Variants in IK observed in about 807,000 individuals in gnomAD.
The protein encoded by IK is IK cytokine.
Under a neutral mutation model 90.9 loss-of-function variants are expected in IK, and 47 were observed. The ratio of observed to expected loss-of-function variants is 0.52; its 90% CI spans 0.41 to 0.66. IK has a LOEUF of 0.66. Among genes scored for constraint, IK ranks in the 30% least tolerant of loss-of-function variants. The pLI, the probability that IK is intolerant of heterozygous loss-of-function variation, is 0.00. For synonymous variants in IK, 201 were observed against 227.5 expected (o/e 0.88, Z 1.05); for missense variants, 385 against 709.3 (o/e 0.54, Z 5.19).
chr5:140,648,906 C>T (rs1353576201), intron 2 of IK: 1 of 248,168 alleles, frequency 4.0e-6, no homozygotes, highest in South Asian at 3.9e-5. Context: ...GGTGCGATCT[C>T]GGCTCACCAC....
At chr5:140,652,694 A>G (rs1293059123) in intron 4 of IK, among the ~76,000 whole-genome samples, 2 of 152,222 alleles carry the variant, frequency 1.3e-5, no homozygotes, top group African/African-American at 4.8e-5. Flanking sequence ...GAAAAGTCTT[A>G]TATCTATAGA....
At chr5:140,657,987 CATTTT>C (rs1177544096) in intron 10 of IK, among the ~76,000 whole-genome samples, 2 of 152,174 alleles carry the variant, frequency 1.3e-5, no homozygotes, top group East Asian at 1.9e-4. Flanking sequence ...ACTTGACCGA[CATTTT>C]ATTTTATTTT....
intron 15 of IK, 97 bp downstream of exon 15, chr5:140,660,292 C>CCTTTTTTTTTTTTTTTTTTTTTTTT (rs1757781333): frequency 4.1e-6 from 1 of 245,104 alleles, no homozygotes; most frequent in Non-Finnish European, 7.1e-6. Context: ...AGGGCTACTT[C>CCTTTTTTTTTTTTTTTTTTTTTTTT]TTTTTTTTTT....
At chr5:140,654,625 G>A (rs764224644) in intron 7 of IK, 39 bp downstream of exon 7, 16 of 1,583,556 alleles carry the variant, frequency 1.0e-5, no homozygotes, top group East Asian at 2.3e-5. Flanking sequence ...ATTTAGAAAG[G>A]TGGGACCTAA....
chr5:140,651,604 GT>G, intron 2 of IK, 109 bp from the exon 3 acceptor site: 1 of 622,674 alleles, frequency 1.6e-6, no homozygotes, highest in South Asian at 2.0e-5. Flanking sequence ...TCATATCTTT[GT>G]TTTAATTTGT....
intron 10 of IK, among the ~76,000 whole-genome samples, chr5:140,658,369 G>T (rs1246441387): frequency 6.6e-6 from 1 of 151,942 alleles, no homozygotes; most frequent in Non-Finnish European, 1.5e-5. Flanking sequence ...CCAGGCTGGA[G>T]TGCAGTGATG....
chr5:140,652,119 C>T lies in IK; in HGVS notation c.208C>T (p.Pro70Ser). 6.2e-7 allele frequency: 1 copy of T among 1,613,402 alleles called. No individual in the cohort carries two copies. ...MPREYNEDED[P>S]AARRRKKKSY... Reference sequence around the variant, plus strand: ...AAGGGAGTACAATGAGGATGAAGACCCAGCTGCACGAAGGAGGAAAAAGAA... The same window carrying T: ...AAGGGAGTACAATGAGGATGAAGACTCAGCTGCACGAAGGAGGAAAAAGAA... The change falls in exon 4 of 20, where the codon CCA becomes TCA. Residue 70 changes from proline (P) to serine (S), a missense_variant. Coordinates refer to ENST00000417647, the MANE Select transcript of IK (RefSeq NM_006083.4).
intron 5 of IK, among the ~76,000 whole-genome samples, chr5:140,653,534 C>T (rs547206374): frequency 0.013 from 2,041 of 151,736 alleles, 29 homozygotes; most frequent in Non-Finnish European, 0.021. Context: ...CCACCCGCCT[C>T]GGCCTGCTGA....
chr5:140,652,447 G>T (rs74892364), intron 4 of IK, among the ~76,000 whole-genome samples: 104 of 152,300 alleles, frequency 6.8e-4, no homozygotes, highest in African/African-American at 2.5e-3. Context: ...ATGAGGATCA[G>T]CTGTGAAAGT....
At chr5:140,654,869 C>T in intron 8 of IK, 142 bp downstream of exon 8, 1 of 675,774 alleles carries the variant, frequency 1.5e-6, no homozygotes, top group Non-Finnish European at 2.6e-6. Context: ...ACTTAATCGC[C>T]CAGGCTGGAG....
intron 2 of IK, chr5:140,648,896 G>A: frequency 1.5e-5 from 4 of 267,100 alleles, no homozygotes; most frequent in Non-Finnish European, 3.0e-5. Flanking sequence ...GGAATGCAGT[G>A]GTGCGATCTC....
chr5:140,660,050 C>T (rs375125383), intron 14 of IK, 65 bp from the exon 15 acceptor site: 4 of 1,449,196 alleles, frequency 2.8e-6, no homozygotes, highest in Non-Finnish European at 3.8e-6. Flanking sequence ...CCTTGGCCCC[C>T]TCCTGGCTGA....
At chr5:140,660,051 T>G in intron 14 of IK, 64 bp from the exon 15 acceptor site, 3 of 1,455,556 alleles carry the variant, frequency 2.1e-6, no homozygotes, top group Middle Eastern at 3.5e-4. Context: ...CTTGGCCCCC[T>G]CCTGGCTGAA....
chr5:140,653,203 A>G (rs867686290), intron 5 of IK, 59 bp downstream of exon 5: 7 of 1,442,544 alleles, frequency 4.9e-6, no homozygotes, highest in Non-Finnish European at 4.8e-6. Context: ...TGCAAATACA[A>G]TGTGAACTCT....
chr5:140,654,692 A>C lies in IK; in HGVS notation c.602A>C (p.Asp201Ala), dbSNP rs1463166046. The C allele has an allele frequency of 6.2e-7, 1 of 1,603,542 alleles. No homozygotes were observed. Among genetic ancestry groups the C allele is most frequent in the Admixed American group, 1.7e-5 (1 of 59,302 alleles). Reference protein sequence around the residue: ...KPQKETKKDEDPENKIEFKTR... With the variant: ...KPQKETKKDEAPENKIEFKTR... The stretch of plus-strand genomic sequence containing the variant: ...TTTTGTCTTTTCAGGAAAGATGAGG[A>C]TCCTGAAAATAAAATTGAATTTAAA... Residue 201 changes from aspartate to alanine, a missense_variant, in exon 8 of 20, where the codon GAT becomes GCT. This residue lies in a region of IK where 46 missense variants were observed against 50.0 expected (regional missense o/e 0.92). Coordinates refer to ENST00000417647, the MANE Select transcript of IK (RefSeq NM_006083.4).
At chr5:140,650,218 T>C (rs1432685687) in intron 2 of IK, among the ~76,000 whole-genome samples, 1 of 152,248 alleles carries the variant, frequency 6.6e-6, no homozygotes, top group Non-Finnish European at 1.5e-5. Context: ...GTCTCTCTAC[T>C]CTATTACAAT....
intron 2 of IK, 35 bp from the exon 3 acceptor site, chr5:140,651,679 G>A (rs943144146): frequency 9.7e-7 from 1 of 1,027,356 alleles, no homozygotes; most frequent in Non-Finnish European, 1.5e-6. Context: ...TTCTTATTGA[G>A]TCCTAATATT....
chr5:140,652,938 G>T, intron 4 of IK, 39 bp from the exon 5 acceptor site: 1 of 1,602,840 alleles, frequency 6.2e-7, no homozygotes, highest in Non-Finnish European at 8.5e-7. Flanking sequence ...TGAGGTAGCA[G>T]CTGATGAGCC....
Position 140,662,336 on chromosome 5 carries a change from G to C in IK, c.*7G>C. ...CAAAAGACCAAAATACTAATCACTA[G>C]TTACAACCAGAGATGCTCCACAAGG... is the stretch of plus-strand genomic sequence containing the variant. On this transcript the variant is annotated 3_prime_UTR_variant, in exon 20 of 20. Coordinates refer to ENST00000417647, the MANE Select transcript of IK (RefSeq NM_006083.4). The C allele has an allele frequency of 1.2e-6, 2 of 1,613,736 alleles. No homozygotes were observed. Among genetic ancestry groups the C allele is most frequent in the Non-Finnish European group, 1.7e-6 (2 of 1,179,650 alleles).
Sources: allele counts gnomAD v4.1 joint callset (sites outside exome capture counted in the v4.1 genomes callset), GRCh38; gene constraint gnomAD v4.1.1; regional missense constraint gnomAD v4.1.1; transcripts MANE v1.5; gene names NCBI Gene and HGNC (gene_info 2026-07-23, HGNC 2026-07-21).